The following DAAM2 variants were observed in gnomAD, a reference collection of about 807,000 sequenced individuals.
The protein encoded by DAAM2 is dishevelled associated activator of morphogenesis 2.
DAAM2 carries 39 observed loss-of-function variants against 120.7 expected under a neutral mutation model. The observed-to-expected ratio is 0.32, with a 90% CI of 0.25 to 0.42. DAAM2 has a LOEUF of 0.42. Among genes scored for constraint, DAAM2 ranks in the 10% least tolerant of loss-of-function variants. The pLI, the probability that DAAM2 is intolerant of heterozygous loss-of-function variation, is 1.00. For missense variants in DAAM2, 1,283 were observed against 1,401.7 expected (o/e 0.92, Z 1.35); for synonymous variants, 488 against 524.9 (o/e 0.93, Z 0.96).
Position 39,891,712 on chromosome 6 carries a change from CA to C in DAAM2, c.2334del (p.Val779TrpfsTer21). ...AGGAGCGGCTGGCTGAGGCAAAGCC[CA>C]AAGTGGAAGGTAGGGCTGAGGGTTG... is the stretch of plus-strand genomic sequence containing the variant. ...FQERLAEAKP[K>X]VEAILLASRE... is the part of the protein sequence containing the mutation. On this transcript the variant is annotated frameshift_variant, in exon 19 of 25. Transcript: ENST00000274867. LOFTEE classifies it high-confidence loss of function. 6.2e-7 allele frequency: 1 copy of C among 1,602,044 alleles called. No homozygotes were observed. The highest frequency in any genetic ancestry group is 8.5e-7 in the Non-Finnish European group (1 of 1,174,282).
At chr6:39,852,548 C>G (rs1027706818) in intron 1 of DAAM2, among the ~76,000 whole-genome samples, 2 of 152,196 alleles carry the variant, frequency 1.3e-5, no homozygotes, top group Non-Finnish European at 2.9e-5. Flanking sequence ...CTGGGCAGGG[C>G]GAGTCTTACC....
rs796643734 is a variant in DAAM2, at chr6:39,876,728, TGC to T, written c.1301+1262_1301+1263del. On this transcript the variant is annotated intron_variant, in intron 11 of 24. Coordinates refer to ENST00000274867, the MANE Select transcript of DAAM2 (RefSeq NM_001201427.2). ...AAGGGTGTGTGTGTGTGTGTGTGTGTGCGTGTGTGTATGTGCATATGTGTGCA... is the reference window on the plus strand; with the variant it reads ...AAGGGTGTGTGTGTGTGTGTGTGTGTGTGTGTGTATGTGCATATGTGTGCA... Among the ~76,000 whole-genome samples the T allele has an allele frequency of 8.7e-3, 1,128 of 130,308 alleles. 10 individuals are homozygous for T. Among genetic ancestry groups the T allele is most frequent in the African/African-American group, 0.031 (1,067 of 34,850 alleles). 85.5% of individuals were successfully genotyped at this position (130,308 alleles called of 152,430 possible). A position where few individuals can be genotyped will look rare whatever the true frequency, so the allele number is the denominator to read the frequency against.
At position 39,901,180 on chromosome 6, in the gene DAAM2, CT is replaced by C; in HGVS notation, c.2812-121del. Reference sequence around the variant, plus strand: ...TTCTCACCTCTTCCAGCCCTGCCCCCTGTGCCAACAGTCCCCAGCCTTGCGC... The same window carrying C: ...TTCTCACCTCTTCCAGCCCTGCCCCCGTGCCAACAGTCCCCAGCCTTGCGC... On this transcript the variant is annotated intron_variant, in intron 23 of 24. Transcript: ENST00000274867. The surrounding 1 kb of genome is among the most constrained non-coding windows in gnomAD (Gnocchi z 4.5). 3 of 834,066 alleles carry C rather than the reference CT, an allele frequency of 3.6e-6. No homozygotes were observed. Among genetic ancestry groups the C allele is most frequent in the Non-Finnish European group, 5.8e-6 (3 of 517,520 alleles). 51.7% of individuals were successfully genotyped at this position (834,066 alleles called of 1,614,324 possible). A position where few individuals can be genotyped will look rare whatever the true frequency, so the allele number is the denominator to read the frequency against.
chr6:39,822,771 C>G (rs1762532975), intron 1 of DAAM2: 1 of 152,182 alleles, frequency 6.6e-6, no homozygotes, highest in Non-Finnish European at 1.5e-5. Flanking sequence ...GTGTGTTCAA[C>G]AAAGTTGAAT....
chr6:39,831,136 G>T (rs796532209), intron 1 of DAAM2, among the ~76,000 whole-genome samples: 18 of 152,274 alleles, frequency 1.2e-4, no homozygotes, highest in African/African-American at 4.1e-4. Context: ...TTATGTACCA[G>T]GTAGTAATTC....
At chr6:39,896,769 T>C (rs776763173) in intron 19 of DAAM2, 43 bp from the exon 20 acceptor site, 6 of 1,492,920 alleles carry the variant, frequency 4.0e-6, no homozygotes, top group East Asian at 2.4e-5. Flanking sequence ...ACTGCTGCCC[T>C]GCCTAGCCCA....
At chr6:39,889,476 G>C (rs1201503293) in intron 17 of DAAM2, among the ~76,000 whole-genome samples, 1 of 152,134 alleles carries the variant, frequency 6.6e-6, no homozygotes, top group East Asian at 1.9e-4. Context: ...CAATTATTTT[G>C]GAAAACTACT....
chr6:39,838,930 A>T (rs527374541), intron 1 of DAAM2, among the ~76,000 whole-genome samples: 1 of 152,092 alleles, frequency 6.6e-6, no homozygotes, highest in South Asian at 2.1e-4. Context: ...AAGTGCTGGG[A>T]TTACAGGCGT....
chr6:39,889,498 T>G (rs536155420), intron 17 of DAAM2, among the ~76,000 whole-genome samples: 1 of 152,344 alleles, frequency 6.6e-6, no homozygotes, highest in East Asian at 1.9e-4. Context: ...GGAAGTACAC[T>G]CTACAGCTAA....
chr6:39,871,806 C>T (rs1446312670), intron 9 of DAAM2, among the ~76,000 whole-genome samples: 4 of 152,134 alleles, frequency 2.6e-5, no homozygotes, highest in Non-Finnish European at 5.9e-5. Flanking sequence ...AATTGGCTCA[C>T]GCAACTATGG....
chr6:39,881,297 C>T lies in DAAM2; in HGVS notation c.1845+1820C>T, dbSNP rs570331440. 3.3e-4 allele frequency among the ~76,000 whole-genome samples: 50 copies of T among 152,254 alleles called. 2 individuals carry two copies. The highest frequency in any genetic ancestry group is 1.9e-3 in the South Asian group (9 of 4,816). On this transcript the variant is annotated intron_variant, in intron 14 of 24. Coordinates refer to ENST00000274867, the MANE Select transcript of DAAM2 (RefSeq NM_001201427.2). ...ATTTGGAGAAGTAGAGCAAGGTGAA[C>T]GGTCTTTGAATAACATTTGAGAACT...
intron 1 of DAAM2, among the ~76,000 whole-genome samples, chr6:39,855,126 T>C (rs1763948847): frequency 6.6e-6 from 1 of 152,178 alleles, no homozygotes; most frequent in Non-Finnish European, 1.5e-5. Flanking sequence ...TCTATAAGTA[T>C]GGGATGGGGA....
At chr6:39,855,800 C>T (rs1763975801) in intron 1 of DAAM2, among the ~76,000 whole-genome samples, 1 of 152,192 alleles carries the variant, frequency 6.6e-6, no homozygotes, top group African/African-American at 2.4e-5. Context: ...CCCCATTGGT[C>T]CATGCCTTTA....
intron 16 of DAAM2, chr6:39,887,802 C>T: frequency 1.9e-6 from 1 of 523,292 alleles, no homozygotes; most frequent in South Asian, 2.1e-5. Context: ...CTTGCCCAGC[C>T]TGGTCAGCGT....
chr6:39,897,871 T>C (rs138250435), intron 21 of DAAM2, among the ~76,000 whole-genome samples: 27 of 152,320 alleles, frequency 1.8e-4, no homozygotes, highest in African/African-American at 6.0e-4. Flanking sequence ...ACAATGCGAA[T>C]GCTGAGGTTT....
Position 39,804,475 on chromosome 6 carries a change from T to C in DAAM2, c.-57+12010T>C, listed in dbSNP as rs986298766. On this transcript the variant is annotated intron_variant, in intron 1 of 24. Transcript: ENST00000274867. ...AACTTGGTTTAGATTCTTTCCTTTT[T>C]TTCTGAGCTGACGCCTATTGCACTG... Among the ~76,000 whole-genome samples the C allele has an allele frequency of 6.6e-5, 10 of 152,332 alleles. No homozygotes were observed. The South Asian group carries it at 1.9e-3, about 28-fold the overall frequency.
At chr6:39,859,234 G>A (rs549097553) in intron 2 of DAAM2, among the ~76,000 whole-genome samples, 2 of 152,296 alleles carry the variant, frequency 1.3e-5, no homozygotes, top group East Asian at 1.9e-4. Context: ...GGGTGCAGAT[G>A]CCTGTCCAGG....
In DAAM2 at chr6:39,870,368, G is replaced by T; in HGVS notation, c.902G>T (p.Arg301Leu). The change falls in exon 8 of 25, where the codon CGG becomes CTG. Residue 301 changes from arginine to leucine, a missense_variant. Transcript: ENST00000274867. Reference sequence around the variant, plus strand: ...AATCTGGAGTTCCGCCTACATCTACGGTATGAATTCCTGATGCTGGGTATA... The same window carrying T: ...AATCTGGAGTTCCGCCTACATCTACTGTATGAATTCCTGATGCTGGGTATA... ...EDNLEFRLHL[R>L]YEFLMLGIQP... 6.3e-7 allele frequency: 1 copy of T among 1,582,274 alleles called. No homozygotes were observed. Among genetic ancestry groups the T allele is most frequent in the Non-Finnish European group, 8.6e-7 (1 of 1,162,796 alleles).
Position 39,904,047 on chromosome 6 carries a change from CTGA to C in DAAM2, c.*2013_*2015del. Reference sequence around the variant, plus strand: ...AAGGTCCTCTCCCAAACTGACCAGGCTGATGTCAACCTAACCCCCTCAGGGGCA... The same window carrying C: ...AAGGTCCTCTCCCAAACTGACCAGGCTGTCAACCTAACCCCCTCAGGGGCA... On this transcript the variant is annotated 3_prime_UTR_variant, in exon 25 of 25. Coordinates refer to ENST00000274867, the MANE Select transcript of DAAM2 (RefSeq NM_001201427.2). 2.6e-6 allele frequency: 1 copy of C among 377,810 alleles called. No individual in the cohort carries two copies. The highest frequency in any genetic ancestry group is 2.0e-5 in the South Asian group (1 of 49,122). The allele number at this position is 377,810 out of a possible 1,614,324, so 23.4% of individuals were successfully genotyped here. A position where few individuals can be genotyped will look rare whatever the true frequency, so the allele number is the denominator to read the frequency against.
Sources: gnomAD v4.1 joint callset for allele counts (sites outside exome capture counted in the v4.1 genomes callset) on GRCh38, gnomAD v4.1.1 for gene constraint, Gnocchi (gnomAD v3.1) non-coding constraint, MANE v1.5 for transcripts, NCBI Gene and HGNC (gene_info 2026-07-23, HGNC 2026-07-21) for gene names.